Variants in TRMT9B observed in about 807,000 individuals in gnomAD.
The protein encoded by TRMT9B is probable tRNA methyltransferase 9B.
In TRMT9B, 16 loss-of-function variants were observed where a neutral mutation model predicts 11.5. The observed-to-expected ratio is 1.39, with a 90% confidence interval of 0.94 to 2.11. The LOEUF (loss-of-function observed/expected upper bound fraction) is 2.11. Among genes scored for constraint, TRMT9B ranks in the 30% most tolerant of loss-of-function variants. The pLI, the probability that TRMT9B is intolerant of heterozygous loss-of-function variation, is 0.00. For missense variants in TRMT9B, 941 were observed against 553.8 expected, an observed-to-expected ratio of 1.70 and a Z score of -7.02; for synonymous variants, 274 against 192.4, an observed-to-expected ratio of 1.42 and a Z score of -3.51.
intron 1 of TRMT9B, among the ~76,000 whole-genome samples, chr8:12,985,646 G>T (rs1004814792): frequency 6.6e-6 from 1 of 152,148 alleles, no homozygotes; most frequent in Admixed American, 6.6e-5. Context: ...CTGTAGCCTA[G>T]TAGGTGCTTA....
intron 1 of TRMT9B, among the ~76,000 whole-genome samples, chr8:12,964,147 C>T (rs1055916670): frequency 6.6e-6 from 1 of 152,068 alleles, no homozygotes; most frequent in Admixed American, 6.6e-5. Context: ...CAAAAAGACT[C>T]GTGTCATTAT....
chr8:13,010,611 A>T (rs760229958), intron 3 of TRMT9B: 7 of 985,216 alleles, frequency 7.1e-6, no homozygotes, highest in Non-Finnish European at 8.4e-6. Context: ...AGGAGAAAAG[A>T]CCTCTGTTTC....
chr8:12,985,370 T>A (rs1291748011), intron 1 of TRMT9B, among the ~76,000 whole-genome samples: 1 of 152,218 alleles, frequency 6.6e-6, no homozygotes, highest in African/African-American at 2.4e-5. Context: ...TGGTGTATCA[T>A]TAAGGAGTTC....
At chr8:12,996,444 C>A (rs1808354764) in intron 2 of TRMT9B, among the ~76,000 whole-genome samples, 1 of 152,174 alleles carries the variant, frequency 6.6e-6, no homozygotes, top group African/African-American at 2.4e-5. Flanking sequence ...TAGATTTCTT[C>A]TGAGGCAAAA....
intron 4 of TRMT9B, among the ~76,000 whole-genome samples, 184 bp downstream of exon 4, chr8:13,013,041 A>G (rs572929095): frequency 9.8e-5 from 15 of 152,360 alleles, no homozygotes; most frequent in Middle Eastern, 3.4e-3. Flanking sequence ...TTTATGGCAC[A>G]TATGATTGTT....
rs766985108 is a variant in TRMT9B at position 13,012,748 on chromosome 8, T to C, written c.219T>C (p.Cys73=). The C allele has an allele frequency of 1.2e-6, 2 of 1,614,042 alleles. No homozygotes were observed. The highest frequency in any genetic ancestry group is 2.2e-5 in the South Asian group (2 of 91,086). The stretch of plus-strand genomic sequence containing the variant: ...TACATACCGTGGGCTGTGACTACTG[T>C]GGGCCACTGGTAGAGATTGCCCGGA... ...SQVHTVGCDY[C]GPLVEIARNR... Residue 73 remains cysteine, a synonymous_variant, in exon 4 of 5, where the codon TGT becomes TGC. Coordinates refer to ENST00000524591, the MANE Select transcript of TRMT9B (RefSeq NM_020844.3).
intron 4 of TRMT9B, among the ~76,000 whole-genome samples, chr8:13,017,575 C>G (rs1401954682): frequency 6.8e-6 from 1 of 146,526 alleles, no homozygotes; most frequent in African/African-American, 2.5e-5. Context: ...GTATGCATGT[C>G]TAATACATTT....
At chr8:12,948,259 A>G (rs945024163) in intron 1 of TRMT9B, among the ~76,000 whole-genome samples, 1 of 151,982 alleles carries the variant, frequency 6.6e-6, no homozygotes, top group Admixed American at 6.6e-5. Flanking sequence ...TGAATATCTC[A>G]TGTAATTTAT....
chr8:12,962,547 G>C (rs575686459), intron 1 of TRMT9B, among the ~76,000 whole-genome samples: 1 of 152,216 alleles, frequency 6.6e-6, no homozygotes, highest in South Asian at 2.1e-4. Flanking sequence ...CTGGAGTGCA[G>C]TGGTGTGATC....
intron 2 of TRMT9B, among the ~76,000 whole-genome samples, chr8:12,998,500 G>T (rs1281294060): frequency 1.3e-5 from 2 of 152,342 alleles, no homozygotes; most frequent in South Asian, 2.1e-4. Context: ...AGAGGTAATA[G>T]AAGTTCCCAT....
At chr8:12,977,625 C>T (rs367807827) in intron 1 of TRMT9B, among the ~76,000 whole-genome samples, 11 of 152,050 alleles carry the variant, frequency 7.2e-5, no homozygotes, top group Middle Eastern at 3.2e-3. Flanking sequence ...CACTTGAACA[C>T]GGGAGGCAGA....
chr8:12,997,980 T>C (rs1473440949), intron 2 of TRMT9B, among the ~76,000 whole-genome samples: 1 of 152,214 alleles, frequency 6.6e-6, no homozygotes, highest in African/African-American at 2.4e-5. Context: ...GGCTTAAATT[T>C]GCGGTTCCCT....
At chr8:12,950,586 A>G (rs540395279) in intron 1 of TRMT9B, among the ~76,000 whole-genome samples, 1 of 142,582 alleles carries the variant, frequency 7.0e-6, no homozygotes, top group African/African-American at 2.7e-5. Flanking sequence ...GCCTTTACAG[A>G]AAAAGAAAAT....
rs905003763 is a variant in TRMT9B, at chr8:13,027,342, C to T, written c.*5298C>T. 3 of 167,006 alleles carry T rather than the reference C, an allele frequency of 1.8e-5. No individual in the cohort carries two copies. Among genetic ancestry groups the T allele is most frequent in the African/African-American group, 7.2e-5 (3 of 41,446 alleles). The allele number at this position is 167,006 out of a possible 1,614,324, so 10.3% of individuals were successfully genotyped here. On this transcript the variant is annotated 3_prime_UTR_variant, in exon 5 of 5. Coordinates refer to ENST00000524591, the MANE Select transcript of TRMT9B (RefSeq NM_020844.3). ...TTTGAGGAAAACAACAAACAACCCT[C>T]CCTTAGAGAATCATGATGCATATTA...
At chr8:12,954,870 T>G (rs546427564) in intron 1 of TRMT9B, among the ~76,000 whole-genome samples, 79 of 152,316 alleles carry the variant, frequency 5.2e-4, no homozygotes, top group African/African-American at 1.9e-3. Flanking sequence ...TTTAAGAGTT[T>G]GAACTAGATC....
intron 1 of TRMT9B, among the ~76,000 whole-genome samples, chr8:12,975,439 T>A (rs1804296161): frequency 6.6e-6 from 1 of 152,002 alleles, no homozygotes; most frequent in African/African-American, 2.4e-5. Context: ...AAAAAGCTTT[T>A]AAATTGATGT....
chr8:13,005,005 G>A (rs1209941920), intron 2 of TRMT9B, among the ~76,000 whole-genome samples: 1 of 151,460 alleles, frequency 6.6e-6, no homozygotes, highest in Non-Finnish European at 1.5e-5. Flanking sequence ...CACGGCCTGG[G>A]GGAACTTGCT....
chr8:12,973,733 T>G (rs1207746163), intron 1 of TRMT9B, among the ~76,000 whole-genome samples: 1 of 152,112 alleles, frequency 6.6e-6, no homozygotes, highest in Non-Finnish European at 1.5e-5. Flanking sequence ...TGAAAGGACT[T>G]CAGCCATAAG....
At chr8:13,018,310 G>A (rs1027248396) in intron 4 of TRMT9B, among the ~76,000 whole-genome samples, 8 of 148,636 alleles carry the variant, frequency 5.4e-5, no homozygotes, top group Non-Finnish European at 1.2e-4. Context: ...GCTGAGAGAG[G>A]AGAATCACCT....
Sources: allele counts gnomAD v4.1 joint callset (sites outside exome capture counted in the v4.1 genomes callset), GRCh38; gene constraint gnomAD v4.1.1; transcripts MANE v1.5; gene names NCBI Gene and HGNC (gene_info 2026-07-23, HGNC 2026-07-21).